Variants in FOXP2 observed in about 807,000 individuals in gnomAD.
The protein encoded by FOXP2 is forkhead box protein P2.
Under a neutral mutation model 115.8 loss-of-function variants are expected in FOXP2, and 12 were observed. The observed-to-expected ratio is 0.10, with a 90% CI of 0.07 to 0.17. The LOEUF (loss-of-function observed/expected upper bound fraction) is 0.17. Ranked by LOEUF, FOXP2 falls within the 10% of genes least tolerant of loss-of-function variation. FOXP2 has a pLI of 1.00. For missense variants in FOXP2, 629 were observed against 843.5 expected (o/e 0.75, Z 3.15); for synonymous variants, 328 against 297.7 (o/e 1.10, Z -1.05).
At position 114,313,740 on chromosome 7, in the gene FOXP2, G is replaced by A. The variant is rs1429146090; in HGVS notation, c.-11+25631G>A. Among the ~76,000 whole-genome samples, 3 of 38,190 alleles carry A rather than the reference G, an allele frequency of 7.9e-5. 1 individual carries two copies. Among genetic ancestry groups the A allele is most frequent in the African/African-American group, 1.0e-3 (2 of 1,916 alleles). 25.1% of individuals were successfully genotyped at this position (38,190 alleles called of 152,430 possible). On this transcript the variant is annotated intron_variant, in intron 2 of 17. Transcript: ENST00000634411. ...AGCCTGGGCGACAGAGCGAGACTCCGTCTCAAAAAAAAAAAAAAAAAACAA... is the reference window on the plus strand; with the variant it reads ...AGCCTGGGCGACAGAGCGAGACTCCATCTCAAAAAAAAAAAAAAAAAACAA...
At position 114,642,496 on chromosome 7, in the gene FOXP2, G is replaced by A. The variant is rs909392122; in HGVS notation, c.862G>A (p.Gly288Arg). ...SMEDNGIKHGGLDLTTNNSSS... is the reference protein window; with the variant it reads ...SMEDNGIKHGRLDLTTNNSSS... Reference sequence around the variant, plus strand: ...GGAAGACAATGGCATTAAACATGGAGGGCTAGACCTCACTACTAACAATTC... The same window carrying A: ...GGAAGACAATGGCATTAAACATGGAAGGCTAGACCTCACTACTAACAATTC... The change falls in exon 7 of 17, where the codon GGG (glycine) becomes AGG (arginine). Residue 288 changes from glycine to arginine, a missense_variant. Coordinates refer to ENST00000350908, the MANE Select transcript of FOXP2 (RefSeq NM_014491.4). The A allele has an allele frequency of 1.2e-6, 2 of 1,613,788 alleles. No homozygotes were observed. The highest frequency in any genetic ancestry group is 1.7e-6 in the Non-Finnish European group (2 of 1,179,952).
At chr7:114,194,447 T>C (rs1162599879) in intron 1 of FOXP2, among the ~76,000 whole-genome samples, 2 of 152,216 alleles carry the variant, frequency 1.3e-5, no homozygotes, top group East Asian at 3.9e-4. Flanking sequence ...TGTTATTTCA[T>C]TGATTTTTTT....
chr7:114,118,094 G>C (rs1791457641), intron 1 of FOXP2, among the ~76,000 whole-genome samples: 1 of 152,122 alleles, frequency 6.6e-6, no homozygotes, highest in South Asian at 2.1e-4. Context: ...ACCCAGTAGA[G>C]TCTTCTTTCC....
intron 16 of FOXP2, among the ~76,000 whole-genome samples, chr7:114,677,175 A>C (rs1168802468): frequency 5.7e-5 from 8 of 141,210 alleles, no homozygotes; most frequent in East Asian, 4.1e-4. Context: ...CAAAAAACAA[A>C]AAAAAAAAAA....
At chr7:114,366,607 A>G (rs1423163789) in intron 2 of FOXP2, 3 of 152,192 alleles carry the variant, frequency 2.0e-5, no homozygotes, top group African/African-American at 7.2e-5. Flanking sequence ...CTAGTCTTCC[A>G]ACATGTTTGA....
In FOXP2 at chr7:114,559,908, A is replaced by AT. The variant is rs1445176529; in HGVS notation, c.258+25206dup. Among the ~76,000 whole-genome samples the AT allele has an allele frequency of 4.1e-5, 6 of 145,954 alleles. No individual in the cohort carries two copies. The Admixed American group carries it at 4.1e-4, about 10-fold the overall frequency. The stretch of plus-strand genomic sequence containing the variant: ...CATCTTAAAAAAAAAAAAAAATCTC[A>AT]TTTTAAAATTAATTTAAAATCTTAC... On this transcript the variant is annotated intron_variant, in intron 3 of 16. Transcript: ENST00000350908.
At chr7:114,223,377 T>G (rs1794668787) in intron 1 of FOXP2, among the ~76,000 whole-genome samples, 1 of 151,626 alleles carries the variant, frequency 6.6e-6, no homozygotes, top group Non-Finnish European at 1.5e-5. Context: ...TTTATTTGTT[T>G]GTTTATTTAC....
intron 1 of FOXP2, among the ~76,000 whole-genome samples, chr7:114,191,385 G>A (rs1793756531): frequency 6.6e-6 from 1 of 152,070 alleles, no homozygotes; most frequent in Non-Finnish European, 1.5e-5. Flanking sequence ...CCCAATGAAA[G>A]TATTTAACTT....
chr7:114,177,424 G>T (rs1267347691), intron 1 of FOXP2, among the ~76,000 whole-genome samples: 1 of 151,686 alleles, frequency 6.6e-6, no homozygotes, highest in Non-Finnish European at 1.5e-5. Context: ...CTTCTGGGTG[G>T]GTAATAATTC....
chr7:114,651,692 A>G (rs1186686484), intron 8 of FOXP2, among the ~76,000 whole-genome samples: 1 of 152,122 alleles, frequency 6.6e-6, no homozygotes, highest in Admixed American at 6.6e-5. Flanking sequence ...CTAACAGCAA[A>G]TCATCATTCT....
At chr7:114,397,688 G>A (rs1369041589) in intron 2 of FOXP2, among the ~76,000 whole-genome samples, 1 of 152,086 alleles carries the variant, frequency 6.6e-6, no homozygotes, top group East Asian at 1.9e-4. Context: ...ATGAGATGAG[G>A]CTGAAGAGTC....
chr7:114,595,114 G>T (rs1482580505), intron 3 of FOXP2, among the ~76,000 whole-genome samples: 1 of 151,998 alleles, frequency 6.6e-6, no homozygotes, highest in Non-Finnish European at 1.5e-5. Context: ...GCACCCTTAT[G>T]ATTTATCAAA....
intron 2 of FOXP2, among the ~76,000 whole-genome samples, chr7:114,401,085 C>G (rs1386889307): frequency 6.6e-6 from 1 of 151,982 alleles, no homozygotes; most frequent in Non-Finnish European, 1.5e-5. Flanking sequence ...GGGTGAGGAA[C>G]GTGATTAGAT....
chr7:114,452,177 G>C (rs187058506), intron 2 of FOXP2, among the ~76,000 whole-genome samples: 29 of 151,916 alleles, frequency 1.9e-4, no homozygotes, highest in Admixed American at 1.9e-3. Context: ...TTTGTGATAT[G>C]TTCTTACTTT....
intron 1 of FOXP2, among the ~76,000 whole-genome samples, chr7:114,182,221 A>T (rs1793476264): frequency 3.3e-5 from 5 of 152,064 alleles, no homozygotes; most frequent in Admixed American, 2.6e-4. Flanking sequence ...ATAAAACTTC[A>T]TATATTTTCA....
upstream of FOXP2, chr7:114,086,750 G>A (rs888870878): frequency 4.3e-6 from 1 of 232,798 alleles, no homozygotes; most frequent in Non-Finnish European, 8.6e-6. Context: ...CGCCCCAAAG[G>A]CAGCGCCCTG....
chr7:114,541,707 T>C (rs1799673480), intron 3 of FOXP2, among the ~76,000 whole-genome samples: 1 of 151,504 alleles, frequency 6.6e-6, no homozygotes, highest in African/African-American at 2.4e-5. Context: ...GCATATATAA[T>C]ACTGAACTTC....
chr7:114,096,779 T>G (rs559952311), intron 1 of FOXP2, among the ~76,000 whole-genome samples: 110 of 152,314 alleles, frequency 7.2e-4, no homozygotes, highest in African/African-American at 2.4e-3. Flanking sequence ...CACAGTACTC[T>G]AGAATATGGT....
chr7:114,565,111 T>C (rs555129843), intron 3 of FOXP2, among the ~76,000 whole-genome samples: 41 of 151,956 alleles, frequency 2.7e-4, no homozygotes, highest in Non-Finnish European at 5.2e-4. Context: ...TTTTTTTTTT[T>C]TCTGAGAAGG....
Sources: gnomAD v4.1 joint callset for allele counts (sites outside exome capture counted in the v4.1 genomes callset) on GRCh38, gnomAD v4.1.1 for gene constraint, MANE v1.5 for transcripts, NCBI Gene and HGNC (gene_info 2026-07-23, HGNC 2026-07-21) for gene names.